CDH13: variants seen among roughly 807,000 people sequenced by gnomAD.
The protein encoded by CDH13 is cadherin-13.
In CDH13, 24 loss-of-function variants were observed where a neutral mutation model predicts 63.8. That is an observed-to-expected ratio of 0.38 (90% CI 0.27 to 0.53). The LOEUF is 0.53. CDH13 is among the 20% of genes least tolerant of loss of function. The pLI is 0.85. For synonymous variants in CDH13, 503 were observed against 355.3 expected (o/e 1.42, Z -4.67); for missense variants, 1,049 against 903.1 (o/e 1.16, Z -2.07).
chr16:82,829,920 G>A (rs1356682104), intron 1 of CDH13, among the ~76,000 whole-genome samples: 1 of 152,110 alleles, frequency 6.6e-6, no homozygotes, highest in Admixed American at 6.6e-5. Flanking sequence ...ATATCAGATG[G>A]TACTTCCATA....
intron 11 of CDH13, among the ~76,000 whole-genome samples, chr16:83,761,325 T>TA (rs1913951409): frequency 2.0e-5 from 3 of 152,366 alleles, no homozygotes; most frequent in Admixed American, 6.5e-5. Context: ...AGACACGTTG[T>TA]AACCAACAGA....
chr16:83,689,672 T>C (rs1184729705), intron 10 of CDH13, among the ~76,000 whole-genome samples: 1 of 152,184 alleles, frequency 6.6e-6, no homozygotes, highest in African/African-American at 2.4e-5. Context: ...TGCATTCCAA[T>C]AGCGTTGGCA....
At chr16:82,659,847 C>G (rs1911728938) in intron 1 of CDH13, among the ~76,000 whole-genome samples, 2 of 152,158 alleles carry the variant, frequency 1.3e-5, no homozygotes, top group Admixed American at 6.5e-5. Flanking sequence ...AGAAGCATCC[C>G]TGGCCTCTAC....
intron 11 of CDH13, among the ~76,000 whole-genome samples, chr16:83,753,940 A>C (rs1269999375): frequency 1.7e-5 from 2 of 120,628 alleles, no homozygotes; most frequent in African/African-American, 8.2e-5. Flanking sequence ...AAGTCATTTC[A>C]AAAAGAAAAC....
intron 6 of CDH13, among the ~76,000 whole-genome samples, chr16:83,472,682 T>C (rs1370403970): frequency 6.6e-6 from 1 of 152,122 alleles, no homozygotes; most frequent in African/African-American, 2.4e-5. Context: ...AAAGCAGTAT[T>C]ATTGTAGGGT....
chr16:83,107,367 A>G (rs1312974460), intron 3 of CDH13, among the ~76,000 whole-genome samples: 12 of 152,166 alleles, frequency 7.9e-5, no homozygotes, highest in Admixed American at 6.5e-4. Flanking sequence ...CAGCTAGTAT[A>G]AATAGTTTGG....
intron 6 of CDH13, among the ~76,000 whole-genome samples, chr16:83,401,920 A>G (rs1203837265): frequency 2.0e-5 from 3 of 152,174 alleles, no homozygotes. Context: ...TCAGTCTCAT[A>G]TTCATCTGGA....
intron 1 of CDH13, among the ~76,000 whole-genome samples, chr16:82,631,766 G>T (rs1908035378): frequency 6.6e-6 from 1 of 152,204 alleles, no homozygotes; most frequent in Non-Finnish European, 1.5e-5. Flanking sequence ...GCTGAGAGAG[G>T]CAGCTTGGGG....
At chr16:83,727,072 A>C (rs1312805681) in intron 10 of CDH13, among the ~76,000 whole-genome samples, 1 of 152,128 alleles carries the variant, frequency 6.6e-6, no homozygotes, top group Admixed American at 6.5e-5. Context: ...TATACAATTC[A>C]ATGGTTTTTA....
intron 13 of CDH13, among the ~76,000 whole-genome samples, chr16:83,793,590 G>T (rs754629718): frequency 2.2e-4 from 33 of 152,114 alleles, no homozygotes; most frequent in Non-Finnish European, 4.4e-4. Flanking sequence ...TTTCGTGATT[G>T]GCTGAGTAAT....
intron 5 of CDH13, among the ~76,000 whole-genome samples, chr16:83,294,396 T>A (rs1190618348): frequency 6.6e-6 from 1 of 152,110 alleles, no homozygotes; most frequent in Non-Finnish European, 1.5e-5. Flanking sequence ...AACTCCCAAT[T>A]CCCTGCAACC....
At position 83,047,656 on chromosome 16, in the gene CDH13, C is replaced by A. The variant is rs1384920188; in HGVS notation, c.366+15438C>A. The stretch of plus-strand genomic sequence containing the variant: ...AGAGATTTGACTGACTTGTTCGTTG[C>A]TATAAATCTAGCACTTACAATATCT... On this transcript the variant is annotated intron_variant, in intron 3 of 13. Transcript: ENST00000567109. The surrounding 1 kb of genome is among the most constrained non-coding windows in gnomAD (Gnocchi z 4.9). Among the ~76,000 whole-genome samples the A allele has an allele frequency of 2.6e-5, 4 of 152,180 alleles. No homozygotes were observed. The highest frequency in any genetic ancestry group is 5.9e-5 in the Non-Finnish European group (4 of 68,036).
intron 5 of CDH13, among the ~76,000 whole-genome samples, chr16:83,294,206 A>T (rs115710025): frequency 6.6e-6 from 1 of 152,224 alleles, no homozygotes; most frequent in African/African-American, 2.4e-5. Context: ...TAATGAACAT[A>T]TGCATTATGT....
intron 1 of CDH13, among the ~76,000 whole-genome samples, chr16:82,747,483 C>G (rs1363393207): frequency 2.0e-5 from 3 of 152,198 alleles, no homozygotes; most frequent in Non-Finnish European, 4.4e-5. Context: ...CAGTGCTTCT[C>G]AAAGTATGGT....
intron 7 of CDH13, among the ~76,000 whole-genome samples, chr16:83,572,318 C>A (rs900176950): frequency 6.6e-6 from 1 of 151,968 alleles, no homozygotes; most frequent in African/African-American, 2.4e-5. Flanking sequence ...TCCCGAGTAG[C>A]TGGGAAGAGA....
chr16:83,623,797 G>A (rs1910028681), intron 8 of CDH13, among the ~76,000 whole-genome samples: 1 of 152,146 alleles, frequency 6.6e-6, no homozygotes, highest in African/African-American at 2.4e-5. Context: ...GCCTCACACA[G>A]GAATGGTCAA....
In CDH13 at chr16:83,445,509, C is replaced by T. The variant is rs113739441; in HGVS notation, c.782-40968C>T. ...CACCTGGCTGCAGGGTGGAGGAAGC[C>T]AAGATTCTGGACCGATAGCCTCCCA... is the stretch of plus-strand genomic sequence containing the variant. On this transcript the variant is annotated intron_variant, in intron 6 of 13. Coordinates refer to ENST00000567109, the MANE Select transcript of CDH13 (RefSeq NM_001257.5). Among the ~76,000 whole-genome samples the T allele has an allele frequency of 6.2e-3, 946 of 152,160 alleles. 7 individuals are homozygous for T. Among genetic ancestry groups the T allele is most frequent in the African/African-American group, 0.022 (897 of 41,518 alleles).
intron 5 of CDH13, among the ~76,000 whole-genome samples, chr16:83,265,979 C>T (rs1013210624): frequency 1.3e-5 from 2 of 152,132 alleles, no homozygotes; most frequent in African/African-American, 4.8e-5. Context: ...CTCTGTCGCC[C>T]AGGCTAGAGT....
intron 2 of CDH13, among the ~76,000 whole-genome samples, chr16:82,964,378 C>T (rs1176651896): frequency 1.3e-5 from 2 of 152,170 alleles, no homozygotes; most frequent in African/African-American, 4.8e-5. Flanking sequence ...CAATGTACTT[C>T]GGTGATAACA....
Sources: gnomAD v4.1 joint callset for allele counts (sites outside exome capture counted in the v4.1 genomes callset) on GRCh38, gnomAD v4.1.1 for gene constraint, Gnocchi (gnomAD v3.1) non-coding constraint, MANE v1.5 for transcripts, NCBI Gene and HGNC (gene_info 2026-07-23, HGNC 2026-07-21) for gene names.